The following LHFPL3 variants were observed in gnomAD, a reference collection of about 807,000 sequenced individuals.
LHFPL3 encodes the protein LHFPL tetraspan subfamily member 3.
In LHFPL3, 5 loss-of-function variants were observed where a neutral mutation model predicts 19.3. That is an observed-to-expected ratio of 0.26 (90% confidence interval 0.14 to 0.54). LHFPL3 has a LOEUF of 0.54. Ranked by LOEUF, LHFPL3 falls within the 20% of genes least tolerant of loss-of-function variation. LHFPL3 has a pLI of 0.94. For synonymous variants in LHFPL3, 133 were observed against 126.2 expected, an observed-to-expected ratio of 1.05 and a Z score of -0.36; for missense variants, 249 against 307.4, an observed-to-expected ratio of 0.81 and a Z score of 1.42.
At chr7:104,519,260 GGA>G (rs1793995721) in intron 1 of LHFPL3, among the ~76,000 whole-genome samples, 1 of 152,128 alleles carries the variant, frequency 6.6e-6, no homozygotes, top group Admixed American at 6.6e-5. Context: ...AGGGAAGCAG[GGA>G]GGTTTCAGAA....
In LHFPL3 at chr7:104,832,358, C is replaced by T. The variant is rs550033255; in HGVS notation, c.683-73829C>T. Among the ~76,000 whole-genome samples the T allele has an allele frequency of 2.6e-5, 4 of 152,052 alleles. 1 individual carries two copies. Among genetic ancestry groups the T allele is most frequent in the African/African-American group, 9.7e-5 (4 of 41,338 alleles). ...AAGGACCTGGTTTTGCTCCCAGATACACATTCAGTGGCTCTTATTTATACG... is the reference window on the plus strand; with the variant it reads ...AAGGACCTGGTTTTGCTCCCAGATATACATTCAGTGGCTCTTATTTATACG... On this transcript the variant is annotated intron_variant, in intron 2 of 2. Coordinates refer to ENST00000424859, the MANE Select transcript of LHFPL3 (RefSeq NM_199000.3).
At chr7:104,737,018 G>C (rs1793839250) in intron 2 of LHFPL3, 107 bp downstream of exon 2, 2 of 837,740 alleles carry the variant, frequency 2.4e-6, no homozygotes, top group Non-Finnish European at 3.8e-6. Flanking sequence ...GTTCTAATTT[G>C]CTGCCTCTTT....
intron 1 of LHFPL3, among the ~76,000 whole-genome samples, chr7:104,393,311 C>A (rs1283773117): frequency 1.3e-5 from 2 of 152,190 alleles, no homozygotes; most frequent in East Asian, 3.9e-4. Flanking sequence ...AGTTCCACTC[C>A]TAGGTAGGTC....
chr7:104,484,992 A>G lies in LHFPL3; in HGVS notation c.445+155768A>G, dbSNP rs533180393. Among the ~76,000 whole-genome samples the G allele has an allele frequency of 3.3e-5, 5 of 152,306 alleles. No homozygotes were observed. The South Asian group carries it at 1.0e-3, about 32-fold the overall frequency. On this transcript the variant is annotated intron_variant, in intron 1 of 2. Coordinates refer to ENST00000424859, the MANE Select transcript of LHFPL3 (RefSeq NM_199000.3). ...GAACTTTGGGGGACACATTCCAAGC[A>G]TAGCAGAGGGGCTCTCCATAGGTGA...
chr7:104,511,903 C>T (rs1295088497), intron 1 of LHFPL3, among the ~76,000 whole-genome samples: 2 of 150,058 alleles, frequency 1.3e-5, no homozygotes, highest in Non-Finnish European at 3.0e-5. Flanking sequence ...ACTAGAGTGA[C>T]TGGTTCTAAC....
At chr7:104,668,423 A>G in intron 1 of LHFPL3, 1 of 1,606,262 alleles carries the variant, frequency 6.2e-7, no homozygotes, top group Non-Finnish European at 8.5e-7. Flanking sequence ...ACAAGTATCG[A>G]GATCGTTATG....
chr7:104,587,233 T>C (rs1467899387), intron 1 of LHFPL3, among the ~76,000 whole-genome samples: 1 of 152,232 alleles, frequency 6.6e-6, no homozygotes, highest in Non-Finnish European at 1.5e-5. Context: ...ATGCATCATT[T>C]ACATTAGGTG....
chr7:104,351,468 T>C (rs1790172961), intron 1 of LHFPL3, among the ~76,000 whole-genome samples: 1 of 152,208 alleles, frequency 6.6e-6, no homozygotes, highest in South Asian at 2.1e-4. Flanking sequence ...TTGAAAAGTT[T>C]TTCTACTTTT....
chr7:104,517,804 G>A (rs879906348), intron 1 of LHFPL3, among the ~76,000 whole-genome samples: 2 of 151,888 alleles, frequency 1.3e-5, no homozygotes, highest in Admixed American at 6.6e-5. Flanking sequence ...GACCATGCCC[G>A]GACAATTGCA....
intron 1 of LHFPL3, among the ~76,000 whole-genome samples, chr7:104,396,815 A>G (rs1791197854): frequency 6.6e-6 from 1 of 151,892 alleles, no homozygotes; most frequent in Admixed American, 6.6e-5. Context: ...ACACACACAC[A>G]CAAAATTCAC....
chr7:104,678,690 G>C (rs1253623139), intron 1 of LHFPL3, among the ~76,000 whole-genome samples: 1 of 152,074 alleles, frequency 6.6e-6, no homozygotes, highest in Admixed American at 6.5e-5. Context: ...TGAAATAATG[G>C]CAGAAGTATT....
At chr7:104,422,574 A>G (rs1163367716) in intron 1 of LHFPL3, among the ~76,000 whole-genome samples, 1 of 152,218 alleles carries the variant, frequency 6.6e-6, no homozygotes, top group African/African-American at 2.4e-5. Flanking sequence ...ATGGTTAAGC[A>G]TGAGTTCTGG....
intron 1 of LHFPL3, among the ~76,000 whole-genome samples, chr7:104,488,863 G>A (rs552181608): frequency 1.3e-5 from 2 of 152,326 alleles, no homozygotes; most frequent in South Asian, 2.1e-4. Context: ...CACTGAGAAT[G>A]AGTAGAAAGT....
chr7:104,668,890 C>A (rs1792417469), intron 1 of LHFPL3: 2 of 1,612,260 alleles, frequency 1.2e-6, no homozygotes, highest in Non-Finnish European at 1.7e-6. Flanking sequence ...TACGAAGGAA[C>A]AAGAGAAGTT....
chr7:104,495,949 A>G (rs1793464785), intron 1 of LHFPL3, among the ~76,000 whole-genome samples: 1 of 152,226 alleles, frequency 6.6e-6, no homozygotes, highest in African/African-American at 2.4e-5. Context: ...GAGATCACAC[A>G]GCTAGTAAAT....
At chr7:104,428,241 G>A (rs1454077296) in intron 1 of LHFPL3, among the ~76,000 whole-genome samples, 1 of 152,126 alleles carries the variant, frequency 6.6e-6, no homozygotes, top group Non-Finnish European at 1.5e-5. Flanking sequence ...ATAATGCTAA[G>A]TTTTCTTCCA....
intron 2 of LHFPL3, among the ~76,000 whole-genome samples, chr7:104,762,626 A>G (rs924801446): frequency 6.6e-6 from 1 of 152,212 alleles, no homozygotes. Context: ...AGAGCTGTGA[A>G]GACTCAGCCC....
At chr7:104,745,583 A>G (rs1355981180) in intron 2 of LHFPL3, among the ~76,000 whole-genome samples, 1 of 152,234 alleles carries the variant, frequency 6.6e-6, no homozygotes, top group Non-Finnish European at 1.5e-5. Context: ...GACTCTTCCT[A>G]GATGCCTGTA....
At chr7:104,782,186 T>C (rs146518977) in intron 2 of LHFPL3, among the ~76,000 whole-genome samples, 6 of 152,226 alleles carry the variant, frequency 3.9e-5, no homozygotes, top group South Asian at 2.1e-4. Context: ...AACCAGAAAA[T>C]TGGGATTCCG....
Sources: gnomAD v4.1 joint callset for allele counts (sites outside exome capture counted in the v4.1 genomes callset) on GRCh38, gnomAD v4.1.1 for gene constraint, MANE v1.5 for transcripts, NCBI Gene and HGNC (gene_info 2026-07-23, HGNC 2026-07-21) for gene names.